Variants in MCTP2 observed in about 807,000 individuals in gnomAD.
The protein encoded by MCTP2 is multiple C2 and transmembrane domain-containing protein 2.
MCTP2 carries 132 observed loss-of-function variants against 111.6 expected under a neutral mutation model. That is an observed-to-expected ratio of 1.18 (90% CI 1.03 to 1.37). The LOEUF (loss-of-function observed/expected upper bound fraction) is 1.37. Among genes scored for constraint, MCTP2 ranks in the 40% most tolerant of loss-of-function variants. The probability of loss-of-function intolerance (pLI) is 0.00; values close to 1 mark genes in which losing one functional copy is unlikely to be tolerated. For missense variants in MCTP2, 1,183 were observed against 1,067.9 expected, an observed-to-expected ratio of 1.11 and a Z score of -1.50; for synonymous variants, 395 against 387.7, an observed-to-expected ratio of 1.02 and a Z score of -0.22.
intron 12 of MCTP2, among the ~76,000 whole-genome samples, chr15:94,380,333 A>G (rs2080062757): frequency 1.3e-5 from 2 of 152,200 alleles, no homozygotes; most frequent in African/African-American, 4.8e-5. Context: ...AGAATGAGGA[A>G]TCTTTTCTTG....
chr15:94,389,272 G>C (rs537958418), intron 14 of MCTP2, among the ~76,000 whole-genome samples: 2 of 152,134 alleles, frequency 1.3e-5, no homozygotes, highest in East Asian at 3.9e-4. Context: ...TAGGGGAAAG[G>C]CCGTGTCTGG....
rs189763659 is a variant in MCTP2, at chr15:94,371,392, C to G, written c.1582+1212C>G. ...AAAACAGTCAACATTTCACATGTGC[C>G]TTTGACATTAGTGGTTCTGTCATCC... On this transcript the variant is annotated intron_variant, in intron 12 of 22. Coordinates refer to ENST00000357742, the MANE Select transcript of MCTP2 (RefSeq NM_001385001.1). 6.6e-5 allele frequency among the ~76,000 whole-genome samples: 10 copies of G among 152,174 alleles called. No homozygotes were observed. In the East Asian group the frequency reaches 1.7e-3, roughly 26 times the overall value.
In MCTP2 at chr15:94,483,445, G is replaced by T. The variant is rs1289433100; in HGVS notation, c.*4411G>T. On this transcript the variant is annotated 3_prime_UTR_variant, in exon 23 of 23. Transcript: ENST00000357742. ...ACTATTTACAATAGCAAAGACACTGGATCAGTCTAAATGCCCATCATTGAT... is the reference window on the plus strand; with the variant it reads ...ACTATTTACAATAGCAAAGACACTGTATCAGTCTAAATGCCCATCATTGAT... 6.6e-6 allele frequency: 1 copy of T among 152,130 alleles called. No homozygotes were observed. Among genetic ancestry groups the T allele is most frequent in the East Asian group, 1.9e-4 (1 of 5,200 alleles). 9.4% of individuals were successfully genotyped at this position (152,130 alleles called of 1,614,324 possible).
intron 1 of MCTP2, among the ~76,000 whole-genome samples, chr15:94,295,036 G>C (rs563440945): frequency 8.1e-6 from 1 of 123,782 alleles, no homozygotes; most frequent in South Asian, 2.8e-4. Flanking sequence ...TGCAACCTCC[G>C]CCTCCTCGGT....
intron 8 of MCTP2, among the ~76,000 whole-genome samples, chr15:94,350,802 T>C (rs2078261053): frequency 6.6e-6 from 1 of 152,184 alleles, no homozygotes; most frequent in East Asian, 1.9e-4. Flanking sequence ...AACATATAAC[T>C]TGAGCTTCCT....
chr15:94,425,827 C>T (rs1380771950), intron 17 of MCTP2, among the ~76,000 whole-genome samples: 2 of 152,112 alleles, frequency 1.3e-5, no homozygotes, highest in Admixed American at 1.3e-4. Flanking sequence ...GCAAAAGAGA[C>T]TTAAACAGTA....
In MCTP2 at chr15:94,440,397, G is replaced by A. The variant is rs954287006; in HGVS notation, c.2208+99G>A. 5 of 1,479,614 alleles carry A rather than the reference G, an allele frequency of 3.4e-6. No individual in the cohort carries two copies. In the African/African-American group the frequency reaches 6.9e-5, roughly 21 times the overall value. The allele number at this position is 1,479,614 out of a possible 1,614,324, so 91.7% of individuals were successfully genotyped here. On this transcript the variant is annotated intron_variant, in intron 18 of 22. Coordinates refer to ENST00000357742, the MANE Select transcript of MCTP2 (RefSeq NM_001385001.1). ...ATCATGGCCCAAGTCCATTTCGTTT[G>A]AGGTGTAAGGAGCAGCCCTGCAAAG...
At chr15:94,442,807 C>A in intron 18 of MCTP2, 112 bp from the exon 19 acceptor site, 1 of 878,792 alleles carries the variant, frequency 1.1e-6, no homozygotes. Context: ...TAATGCATTT[C>A]AAAAATATAA....
intron 14 of MCTP2, among the ~76,000 whole-genome samples, chr15:94,397,512 C>G (rs948517133): frequency 6.6e-6 from 1 of 152,206 alleles, no homozygotes; most frequent in African/African-American, 2.4e-5. Context: ...GACTGTGTAT[C>G]AAGGCGGAAG....
chr15:94,295,234 GCCACCACA>G (rs148303951), intron 1 of MCTP2, among the ~76,000 whole-genome samples: 43,959 of 151,878 alleles, frequency 0.29, 6,413 homozygotes, highest in African/African-American at 0.32. Flanking sequence ...ACAGGTATGA[GCCACCACA>G]CCTGGCCGGG....
At chr15:94,457,784 A>G (rs1204026027) in intron 19 of MCTP2, among the ~76,000 whole-genome samples, 1 of 152,128 alleles carries the variant, frequency 6.6e-6, no homozygotes. Flanking sequence ...GCTTCAGAAA[A>G]CCTGTGGAGA....
Position 94,298,210 on chromosome 15 carries a change from C to CCGT in MCTP2, c.-56_-55insCGT. 2 of 1,276,354 alleles carry CCGT rather than the reference C, an allele frequency of 1.6e-6. No individual in the cohort carries two copies. The highest frequency in any genetic ancestry group is 3.2e-5 in the South Asian group (2 of 62,732). 79.1% of individuals were successfully genotyped at this position (1,276,354 alleles called of 1,614,324 possible). On this transcript the variant is annotated 5_prime_UTR_variant, in exon 2 of 23. Coordinates refer to ENST00000357742, the MANE Select transcript of MCTP2 (RefSeq NM_001385001.1). The stretch of plus-strand genomic sequence containing the variant: ...TTTTTCTGTTTTATAGGAGTCATTG[C>CCGT]AGTTTTCAGTAGAGGTGTACTTCTG...
At chr15:94,334,126 G>A (rs1335012713) in intron 4 of MCTP2, among the ~76,000 whole-genome samples, 1 of 152,146 alleles carries the variant, frequency 6.6e-6, no homozygotes, top group Non-Finnish European at 1.5e-5. Flanking sequence ...ACTAAACATA[G>A]CATTCGTGAG....
intron 1 of MCTP2, among the ~76,000 whole-genome samples, chr15:94,251,117 T>A (rs1283894641): frequency 2.0e-5 from 3 of 152,158 alleles, no homozygotes; most frequent in African/African-American, 7.2e-5. Flanking sequence ...AAGATCTGAG[T>A]GTGAGGCGAG....
At chr15:94,466,540 G>A (rs1170204603) in intron 20 of MCTP2, among the ~76,000 whole-genome samples, 1 of 152,146 alleles carries the variant, frequency 6.6e-6, no homozygotes, top group Non-Finnish European at 1.5e-5. Flanking sequence ...ATGGTACAAT[G>A]TGTCCCTCCT....
intron 20 of MCTP2, among the ~76,000 whole-genome samples, chr15:94,464,261 A>ATATATATATATTATATATATATATTATAT (rs2085439174): frequency 2.3e-5 from 1 of 43,326 alleles, no homozygotes; most frequent in Non-Finnish European, 5.2e-5. Flanking sequence ...TATATATTAT[A>ATATATATATATTATATATATATATTATAT]TATATATATA....
At chr15:94,252,086 G>T (rs1359761483) in intron 1 of MCTP2, among the ~76,000 whole-genome samples, 4 of 152,216 alleles carry the variant, frequency 2.6e-5, no homozygotes, top group Non-Finnish European at 5.9e-5. Context: ...GAACATCGGT[G>T]TACAATTATT....
chr15:94,300,646 A>AT (rs1271022508), intron 2 of MCTP2, among the ~76,000 whole-genome samples: 1 of 152,044 alleles, frequency 6.6e-6, no homozygotes, highest in Non-Finnish European at 1.5e-5. Context: ...TCCAACTGTG[A>AT]TTTTTTGGGA....
chr15:94,261,938 A>G (rs530721960), intron 1 of MCTP2, among the ~76,000 whole-genome samples: 163 of 152,314 alleles, frequency 1.1e-3, no homozygotes, highest in African/African-American at 3.8e-3. Flanking sequence ...TTAGGAAACT[A>G]TATTTCAGGA....
Sources: allele counts gnomAD v4.1 joint callset (sites outside exome capture counted in the v4.1 genomes callset), GRCh38; gene constraint gnomAD v4.1.1; transcripts MANE v1.5; gene names NCBI Gene and HGNC (gene_info 2026-07-23, HGNC 2026-07-21).